TF: variants seen among roughly 807,000 people sequenced by gnomAD.
TF encodes the protein transferrin, also known as serotransferrin.
In TF, 55 loss-of-function variants were observed where a neutral mutation model predicts 82.4. That is an observed-to-expected ratio of 0.67 (90% CI 0.54 to 0.84). The LOEUF (loss-of-function observed/expected upper bound fraction) is 0.84. Among genes scored for constraint, TF ranks in the 40% least tolerant of loss-of-function variants. TF has a pLI of 0.00. For missense variants in TF, 737 were observed against 868.4 expected, an observed-to-expected ratio of 0.85 and a Z score of 1.90; for synonymous variants, 332 against 332.6, an observed-to-expected ratio of 1.00 and a Z score of 0.02.
At chr3:133,665,706 A>C in the TF span, among the ~76,000 whole-genome samples, 2 of 151,908 alleles carry the variant, frequency 1.3e-5, no homozygotes, top group African/African-American at 4.8e-5. Context: ...GCACTTTGGG[A>C]GGCCGAGGTG....
At chr3:133,768,626 G>C (rs1254114724) in intron 13 of TF, among the ~76,000 whole-genome samples, 1 of 151,848 alleles carries the variant, frequency 6.6e-6, no homozygotes, top group Non-Finnish European at 1.5e-5. Flanking sequence ...ACACTGAGTG[G>C]AGAGTTTGGC....
Position 133,781,576 on chromosome 3 carries a change from T to A in TF, c.*2956T>A, listed in dbSNP as rs1415162658. 6.6e-6 allele frequency: 1 copy of A among 152,132 alleles called. No individual in the cohort carries two copies. Among genetic ancestry groups the A allele is most frequent in the Non-Finnish European group, 1.5e-5 (1 of 68,018 alleles). The allele number at this position is 152,132 out of a possible 1,614,324, so 9.4% of individuals were successfully genotyped here. A position where few individuals can be genotyped will look rare whatever the true frequency, so the allele number is the denominator to read the frequency against. On this transcript the variant is annotated 3_prime_UTR_variant, in exon 17 of 17. Transcript: ENST00000402696. ...CTTTGGATAGGAAGACTCAGTATTG[T>A]AAAGATGTCAATTCTCCCTAAATTA... is the stretch of plus-strand genomic sequence containing the variant.
the TF span, among the ~76,000 whole-genome samples, chr3:133,736,894 A>C: frequency 6.6e-6 from 1 of 152,098 alleles, no homozygotes; most frequent in African/African-American, 2.4e-5. Context: ...CCCACTGTCA[A>C]TATAAGGCAG....
the TF span, among the ~76,000 whole-genome samples, chr3:133,685,764 G>A: frequency 1.3e-5 from 2 of 152,126 alleles, no homozygotes; most frequent in African/African-American, 2.4e-5. Context: ...CGTGAAAATG[G>A]CCATACTGCC....
At chr3:133,673,973 C>A in the TF span, among the ~76,000 whole-genome samples, 1 of 152,138 alleles carries the variant, frequency 6.6e-6, no homozygotes. Flanking sequence ...CTTGGCCTCC[C>A]GGAGCAGAGG....
the TF span, among the ~76,000 whole-genome samples, chr3:133,723,668 T>TTATTAC: frequency 6.7e-6 from 1 of 148,208 alleles, no homozygotes; most frequent in Non-Finnish European, 1.5e-5. Context: ...ATTATTATTA[T>TTATTAC]TATTATACTT....
the TF span, among the ~76,000 whole-genome samples, chr3:133,677,226 GTGGGCTC>G: frequency 5.3e-5 from 8 of 152,228 alleles, no homozygotes; most frequent in Non-Finnish European, 4.4e-5. Flanking sequence ...AATATTCACA[GTGGGCTC>G]TGATTACCTC....
the TF span, among the ~76,000 whole-genome samples, chr3:133,725,378 T>C: frequency 6.6e-6 from 1 of 152,216 alleles, no homozygotes; most frequent in Non-Finnish European, 1.5e-5. Flanking sequence ...TCACGTCCCT[T>C]GTAAGTTGGA....
chr3:133,726,636 G>GT, the TF span, among the ~76,000 whole-genome samples: 3 of 150,524 alleles, frequency 2.0e-5, no homozygotes, highest in Non-Finnish European at 3.0e-5. Flanking sequence ...TTTTTGAAGG[G>GT]TTTTTTGTGT....
the TF span, chr3:133,662,444 A>G: frequency 6.6e-6 from 1 of 152,300 alleles, no homozygotes. Flanking sequence ...CACAGCAGGA[A>G]TAGAATCACC....
At chr3:133,732,072 A>G in the TF span, among the ~76,000 whole-genome samples, 1 of 152,216 alleles carries the variant, frequency 6.6e-6, no homozygotes, top group African/African-American at 2.4e-5. Context: ...GGCTGGGCTC[A>G]GGAGCTGTGC....
Position 133,782,973 on chromosome 3 carries a change from G to C in TF, c.*4353G>C, listed in dbSNP as rs2107940974. 6.6e-6 allele frequency: 1 copy of C among 152,268 alleles called. No individual in the cohort carries two copies. Among genetic ancestry groups the C allele is most frequent in the South Asian group, 2.1e-4 (1 of 4,822 alleles). The allele number at this position is 152,268 out of a possible 1,614,324, so 9.4% of individuals were successfully genotyped here. A position where few individuals can be genotyped will look rare whatever the true frequency, so the allele number is the denominator to read the frequency against. On this transcript the variant is annotated 3_prime_UTR_variant, in exon 17 of 17. Transcript: ENST00000402696. ...TCGAGGCTGCAGTGAGCAGTGATTTGATCGTGCCACTGCACTCCAGCCTGG... is the reference window on the plus strand; with the variant it reads ...TCGAGGCTGCAGTGAGCAGTGATTTCATCGTGCCACTGCACTCCAGCCTGG...
the TF span, among the ~76,000 whole-genome samples, chr3:133,725,965 A>C: frequency 6.6e-6 from 1 of 152,126 alleles, no homozygotes; most frequent in African/African-American, 2.4e-5. Flanking sequence ...ACATTTATCA[A>C]TTTGCGTATA....
chr3:133,777,477 C>T (rs1329160126), intron 16 of TF: 4 of 522,256 alleles, frequency 7.7e-6, no homozygotes, highest in South Asian at 4.4e-5. Context: ...ATAGAGAATT[C>T]CATCTTATTT....
chr3:133,740,986 AT>A, the TF span, among the ~76,000 whole-genome samples: 11,493 of 47,240 alleles, frequency 0.24, 250 homozygotes, highest in South Asian at 0.31. Flanking sequence ...ATCCAGCTCT[AT>A]TTTTTTTTTT....
At chr3:133,729,311 C>T in the TF span, among the ~76,000 whole-genome samples, 2 of 152,344 alleles carry the variant, frequency 1.3e-5, no homozygotes, top group Admixed American at 6.5e-5. Context: ...TGGGCTCCAC[C>T]CAGTTTGAGC....
At chr3:133,728,338 A>T in the TF span, among the ~76,000 whole-genome samples, 9 of 152,148 alleles carry the variant, frequency 5.9e-5, no homozygotes, top group Admixed American at 5.9e-4. Context: ...TATTTCTTGG[A>T]GGCTTTGTTC....
rs916868813 is a variant in TF, at chr3:133,791,622, T to C, written c.*13002T>C. 2.0e-5 allele frequency: 3 copies of C among 152,206 alleles called. No individual in the cohort carries two copies. 9.4% of individuals were successfully genotyped at this position (152,206 alleles called of 1,614,324 possible). A position where few individuals can be genotyped will look rare whatever the true frequency, so the allele number is the denominator to read the frequency against. ...CTTTGTGTCTTTCTGTATTGTTTTG[T>C]CATAAAGAGGGGTACCTTAGAATAA... On this transcript the variant is annotated 3_prime_UTR_variant, in exon 17 of 17. Coordinates refer to ENST00000402696, the MANE Select transcript of TF (RefSeq NM_001063.4).
the TF span, chr3:133,700,087 G>C: frequency 6.4e-6 from 1 of 155,980 alleles, no homozygotes; most frequent in Non-Finnish European, 1.4e-5. Context: ...GGAGGCACAC[G>C]AGTATGGATT....
Sources: allele counts gnomAD v4.1 joint callset (sites outside exome capture counted in the v4.1 genomes callset), GRCh38; gene constraint gnomAD v4.1.1; transcripts MANE v1.5; gene names NCBI Gene and HGNC (gene_info 2026-07-23, HGNC 2026-07-21).